CDH18: variants seen among roughly 807,000 people sequenced by gnomAD.
CDH18 encodes cadherin-18.
In CDH18, 31 loss-of-function variants were observed where a neutral mutation model predicts 67.9. The ratio of observed to expected loss-of-function variants is 0.46; its 90% CI spans 0.34 to 0.62. The LOEUF is 0.62. Among genes scored for constraint, CDH18 ranks in the 20% least tolerant of loss-of-function variants. CDH18 has a pLI of 0.01. For missense variants in CDH18, 890 were observed against 975.5 expected, an observed-to-expected ratio of 0.91 and a Z score of 1.17; for synonymous variants, 362 against 347.2, an observed-to-expected ratio of 1.04 and a Z score of -0.48.
intron 9 of CDH18, 126 bp downstream of exon 9, chr5:19,543,743 A>G (rs1735808677): frequency 1.8e-6 from 1 of 566,190 alleles, no homozygotes; most frequent in South Asian, 4.2e-5. Flanking sequence ...TATCTAATAC[A>G]CTCCGCTTAC....
intron 2 of CDH18, among the ~76,000 whole-genome samples, chr5:20,230,962 T>C (rs1742022694): frequency 6.6e-6 from 1 of 152,140 alleles, no homozygotes; most frequent in East Asian, 1.9e-4. Flanking sequence ...TCATCACCCA[T>C]GGGAAGTGAC....
intron 1 of CDH18, among the ~76,000 whole-genome samples, chr5:20,358,108 T>C (rs1446666950): frequency 1.3e-5 from 2 of 152,174 alleles, no homozygotes; most frequent in African/African-American, 4.8e-5. Flanking sequence ...AGCGTACACA[T>C]TGACATAAAT....
At chr5:20,445,106 C>T (rs1342827504) in intron 1 of CDH18, among the ~76,000 whole-genome samples, 1 of 152,156 alleles carries the variant, frequency 6.6e-6, no homozygotes, top group Non-Finnish European at 1.5e-5. Context: ...TCTTCATTCA[C>T]AGTTGGTGTG....
intron 1 of CDH18, among the ~76,000 whole-genome samples, chr5:20,513,446 G>T (rs1285057364): frequency 6.6e-6 from 1 of 151,940 alleles, no homozygotes; most frequent in African/African-American, 2.4e-5. Flanking sequence ...TTTCCCCTGG[G>T]GACAAGTGTA....
chr5:20,455,455 C>A (rs1750771704), intron 1 of CDH18, among the ~76,000 whole-genome samples: 1 of 151,920 alleles, frequency 6.6e-6, no homozygotes, highest in South Asian at 2.1e-4. Context: ...TTAGGCAGGA[C>A]AACATGAAAA....
At chr5:19,621,573 C>G (rs1243436135) in intron 5 of CDH18, among the ~76,000 whole-genome samples, 1 of 152,072 alleles carries the variant, frequency 6.6e-6, no homozygotes, top group Non-Finnish European at 1.5e-5. Context: ...AAGCCAGTAA[C>G]AGAACAAATA....
chr5:19,556,577 GA>G lies in CDH18; in HGVS notation c.1254-12573del, dbSNP rs1015038095. Among the ~76,000 whole-genome samples the G allele has an allele frequency of 4.7e-3, 692 of 148,364 alleles. 4 individuals carry two copies. The highest frequency in any genetic ancestry group is 0.015 in the African/African-American group (602 of 40,438). ...ATTAATCCAATCCAACTAAGAAAAA[GA>G]AAAAAAAAATTTAAAAAACGAGCAA... On this transcript the variant is annotated intron_variant, in intron 8 of 12. Transcript: ENST00000382275.
At chr5:20,109,844 G>T (rs1016199551) in intron 2 of CDH18, among the ~76,000 whole-genome samples, 1 of 151,892 alleles carries the variant, frequency 6.6e-6, no homozygotes, top group African/African-American at 2.4e-5. Flanking sequence ...CATTTCTTTA[G>T]AATTAAAAAA....
intron 10 of CDH18, 64 bp downstream of exon 10, chr5:19,520,593 A>C (rs1746732671): frequency 1.4e-6 from 2 of 1,427,132 alleles, no homozygotes; most frequent in Admixed American, 5.1e-5. Context: ...ACCTAAGAAT[A>C]ATAAAAATAA....
chr5:20,006,593 T>G (rs961716945), intron 2 of CDH18, among the ~76,000 whole-genome samples: 3 of 151,972 alleles, frequency 2.0e-5, no homozygotes, highest in Admixed American at 6.6e-5. Context: ...ATTTTCCGGT[T>G]TTCTACTTCT....
At chr5:19,623,461 C>A (rs1751007810) in intron 5 of CDH18, among the ~76,000 whole-genome samples, 4 of 152,092 alleles carry the variant, frequency 2.6e-5, no homozygotes, top group Admixed American at 2.6e-4. Context: ...TATGATTTCC[C>A]AAAATAGCTT....
At chr5:19,577,956 T>C (rs558756117) in intron 7 of CDH18, among the ~76,000 whole-genome samples, 1 of 152,262 alleles carries the variant, frequency 6.6e-6, no homozygotes, top group African/African-American at 2.4e-5. Context: ...GATGCGGTCA[T>C]ATGACCACAG....
At chr5:19,580,169 A>C (rs1743006472) in intron 7 of CDH18, among the ~76,000 whole-genome samples, 1 of 151,904 alleles carries the variant, frequency 6.6e-6, no homozygotes, top group Non-Finnish European at 1.5e-5. Flanking sequence ...TATAATTTCC[A>C]TACTTGAAGG....
intron 2 of CDH18, among the ~76,000 whole-genome samples, chr5:19,856,074 T>G (rs765760261): frequency 6.6e-6 from 1 of 152,214 alleles, no homozygotes; most frequent in Non-Finnish European, 1.5e-5. Flanking sequence ...ACACGTTAAG[T>G]GAAATCATCA....
chr5:20,098,934 A>G (rs539638826), intron 2 of CDH18, among the ~76,000 whole-genome samples: 3 of 152,270 alleles, frequency 2.0e-5, no homozygotes, highest in African/African-American at 7.2e-5. Context: ...AATTCCATCA[A>G]CATATTCAGT....
Position 20,473,764 on chromosome 5 carries a change from GTTA to G in CDH18, c.-580+101695_-580+101697del, listed in dbSNP as rs1475947528. Among the ~76,000 whole-genome samples the G allele has an allele frequency of 2.0e-5, 3 of 151,940 alleles. No individual in the cohort carries two copies. The East Asian group carries it at 5.8e-4, about 29-fold the overall frequency. ...TGCCAAAAACTAGGTATTATTCTTGGTTATTGTTGTGGTTGCCAATCCTTGATT... is the reference window on the plus strand; with the variant it reads ...TGCCAAAAACTAGGTATTATTCTTGGTTGTTGTGGTTGCCAATCCTTGATT... On this transcript the variant is annotated intron_variant, in intron 1 of 14. Coordinates refer to the CDH18 transcript ENST00000507958.
chr5:19,797,801 A>T (rs1046691247), intron 3 of CDH18, among the ~76,000 whole-genome samples: 3 of 151,946 alleles, frequency 2.0e-5, no homozygotes, highest in African/African-American at 7.2e-5. Flanking sequence ...CCCAGCTTGA[A>T]TTTTTTTTAT....
At chr5:19,733,826 C>T (rs114726840) in intron 4 of CDH18, among the ~76,000 whole-genome samples, 304 of 152,278 alleles carry the variant, frequency 2.0e-3, no homozygotes, top group African/African-American at 7.1e-3. Context: ...TCTCAGGCAC[C>T]ACTGCCTGGG....
rs959619328 is a variant in CDH18, at chr5:19,887,871, G to A, written c.-256-48629C>T. Among the ~76,000 whole-genome samples, 25 of 151,602 alleles carry A rather than the reference G, an allele frequency of 1.6e-4. 1 individual carries two copies. Among genetic ancestry groups the A allele is most frequent in the Admixed American group, 1.6e-3 (25 of 15,184 alleles). On this transcript the variant is annotated intron_variant, in intron 2 of 12. Coordinates refer to ENST00000382275, the MANE Select transcript of CDH18 (RefSeq NM_004934.5). ...TACAGATGTGAACCACCACACCCAG[G>A]GTCTTACTTTTGTATATGGTGTGAG...
Sources: allele counts gnomAD v4.1 joint callset (sites outside exome capture counted in the v4.1 genomes callset), GRCh38; gene constraint gnomAD v4.1.1; transcripts MANE v1.5; gene names NCBI Gene and HGNC (gene_info 2026-07-23, HGNC 2026-07-21).